Variants in MAX observed in about 807,000 individuals in gnomAD.
MAX encodes MYC associated transcriptional regulator X, also known as protein max.
MAX carries 3 observed loss-of-function variants against 22.3 expected under a neutral mutation model. The observed-to-expected ratio is 0.13, with a 90% confidence interval of 0.06 to 0.35. MAX has a LOEUF of 0.35. Ranked by LOEUF, MAX falls within the 10% of genes least tolerant of loss-of-function variation. The pLI, the probability that MAX is intolerant of heterozygous loss-of-function variation, is 1.00. For synonymous variants in MAX, 72 were observed against 77.7 expected (o/e 0.93, Z 0.39); for missense variants, 119 against 209.4 (o/e 0.57, Z 2.66).
chr14:65,021,928 G>GA, intron 3 of MAX: 1 of 456,068 alleles, frequency 2.2e-6, no homozygotes, highest in Non-Finnish European at 4.4e-6. Flanking sequence ...TTATAGGCGT[G>GA]AGCCACTGCG....
intron 3 of MAX, among the ~76,000 whole-genome samples, chr14:65,025,529 C>T (rs1443798991): frequency 1.3e-5 from 2 of 152,164 alleles, no homozygotes; most frequent in African/African-American, 4.8e-5. Context: ...AAAAATGTGT[C>T]ACATGCTGGG....
At position 65,044,235 on chromosome 14, in the gene MAX, G is replaced by T; in HGVS notation, c.172-37951C>A. On this transcript the variant is annotated intron_variant, in intron 3 of 3. Coordinates refer to the MAX transcript ENST00000341653. The surrounding 1 kb of genome is among the most constrained non-coding windows in gnomAD (Gnocchi z 5.5). The stretch of plus-strand genomic sequence containing the variant: ...TGGGAAACCCTCCATCCCACAGATT[G>T]ACTCCTGGAGATTCTGTCGGGCTGG... 6.2e-7 allele frequency: 1 copy of T among 1,600,464 alleles called. No homozygotes were observed. The highest frequency in any genetic ancestry group is 1.1e-5 in the South Asian group (1 of 88,962).
chr14:65,096,431 G>C (rs1276214793), intron 2 of MAX, among the ~76,000 whole-genome samples: 1 of 152,152 alleles, frequency 6.6e-6, no homozygotes, highest in Non-Finnish European at 1.5e-5. Context: ...TGTTTTGAAA[G>C]AGCACATGAA....
chr14:65,080,306 A>C (rs2063169534), intron 3 of MAX, among the ~76,000 whole-genome samples: 1 of 152,216 alleles, frequency 6.6e-6, no homozygotes, highest in African/African-American at 2.4e-5. Flanking sequence ...ATGCAGAAGG[A>C]ATGAGAGTTC....
intron 3 of MAX, among the ~76,000 whole-genome samples, chr14:65,092,249 T>G (rs865883950): frequency 1.3e-5 from 2 of 152,120 alleles, no homozygotes; most frequent in East Asian, 3.8e-4. Flanking sequence ...AAAGGCTGAT[T>G]CAGTAGTGAA....
intron 2 of MAX, among the ~76,000 whole-genome samples, chr14:65,099,376 C>G (rs1472886958): frequency 6.6e-6 from 1 of 152,026 alleles, no homozygotes; most frequent in Non-Finnish European, 1.5e-5. Context: ...GGCACCTTAA[C>G]AGCAAACTAA....
chr14:65,025,785 C>T (rs1463736914), intron 3 of MAX, among the ~76,000 whole-genome samples: 1 of 152,200 alleles, frequency 6.6e-6, no homozygotes, highest in African/African-American at 2.4e-5. Context: ...CGCTGTCCTG[C>T]AGCCTGGCCG....
chr14:65,052,866 G>A (rs1024888807), intron 3 of MAX, among the ~76,000 whole-genome samples: 1 of 152,174 alleles, frequency 6.6e-6, no homozygotes, highest in South Asian at 2.1e-4. Flanking sequence ...AATGTCTCTT[G>A]AAGTCCAGGG....
Position 65,029,035 on chromosome 14 carries a change from T to C in MAX, c.172-22751A>G, listed in dbSNP as rs1467678800. Among the ~76,000 whole-genome samples the C allele has an allele frequency of 1.3e-5, 2 of 152,244 alleles. No individual in the cohort carries two copies. Among genetic ancestry groups the C allele is most frequent in the East Asian group, 3.8e-4 (2 of 5,204 alleles). ...GCACTTTTTTTTTCCCTATGCTCTT[T>C]ATTTATATGTTCTAGATAAATGCTA... On this transcript the variant is annotated intron_variant, in intron 3 of 3. Transcript: ENST00000341653. This position sits in a 1 kb window ranked among gnomAD's most constrained non-coding sequence, Gnocchi z 4.7.
intron 3 of MAX, among the ~76,000 whole-genome samples, chr14:65,026,627 C>T (rs1312584937): frequency 2.0e-5 from 3 of 152,110 alleles, no homozygotes; most frequent in Non-Finnish European, 4.4e-5. Context: ...GCAGAGGCTG[C>T]GGCGGGTGGA....
At chr14:65,092,545 A>C (rs141929046) in intron 3 of MAX, among the ~76,000 whole-genome samples, 61 of 152,322 alleles carry the variant, frequency 4.0e-4, no homozygotes, top group African/African-American at 1.5e-3. Context: ...ATTCCAGGTA[A>C]GTACCTTGGT....
chr14:65,053,199 G>GA lies in MAX; in HGVS notation c.171+40508dup, dbSNP rs775746592. ...GAATTAGGTCATTGATACTTGGCTG[G>GA]ATCTGCCGGGCCCTTACTGACCCTT... On this transcript the variant is annotated intron_variant, in intron 3 of 3. Coordinates refer to the MAX transcript ENST00000341653. 50 of 1,325,506 alleles carry GA rather than the reference G, an allele frequency of 3.8e-5. No individual in the cohort carries two copies. In the East Asian group the frequency reaches 1.4e-3, roughly 38 times the overall value. The allele number at this position is 1,325,506 out of a possible 1,614,324, so 82.1% of individuals were successfully genotyped here. A position where few individuals can be genotyped will look rare whatever the true frequency, so the allele number is the denominator to read the frequency against.
chr14:65,086,098 G>A (rs2063329495), intron 3 of MAX, among the ~76,000 whole-genome samples: 2 of 152,172 alleles, frequency 1.3e-5, no homozygotes, highest in Non-Finnish European at 2.9e-5. Flanking sequence ...CTCTTCGCCT[G>A]CTGCCATCCA....
chr14:65,034,406 T>G (rs1257101510), intron 3 of MAX, among the ~76,000 whole-genome samples: 1 of 152,258 alleles, frequency 6.6e-6, no homozygotes, highest in Non-Finnish European at 1.5e-5. Flanking sequence ...TTTTAATATC[T>G]TGCATGTATC....
rs528692142 is a variant in MAX at position 65,062,659 on chromosome 14, C to T, written c.171+31049G>A. 1 of 152,716 alleles carries T rather than the reference C, an allele frequency of 6.5e-6. No homozygotes were observed. The highest frequency in any genetic ancestry group is 2.4e-5 in the African/African-American group (1 of 41,548). The allele number at this position is 152,716 out of a possible 1,614,324, so 9.5% of individuals were successfully genotyped here. On this transcript the variant is annotated intron_variant, in intron 3 of 3. Transcript: ENST00000341653. The surrounding 1 kb of genome is among the most constrained non-coding windows in gnomAD (Gnocchi z 4.3). ...AAAAGAATAACATTTTCTATGATGT[C>T]TCTTATTTGTGATCTGTACCAAGAA...
Position 65,027,439 on chromosome 14 carries a change from G to A in MAX, c.172-21155C>T. ...CTCTCTGACTTTGTTTTTGCCCTTT[G>A]GCTGTGTACCTAGTGTGTGTCAGTT... On this transcript the variant is annotated intron_variant, in intron 3 of 3. Coordinates refer to the MAX transcript ENST00000341653. This position sits in a 1 kb window ranked among gnomAD's most constrained non-coding sequence, Gnocchi z 5.7. The A allele has an allele frequency of 6.2e-7, 1 of 1,612,666 alleles. No homozygotes were observed. The highest frequency in any genetic ancestry group is 8.5e-7 in the Non-Finnish European group (1 of 1,179,554).
In MAX at chr14:65,054,726, A is replaced by G; in HGVS notation, c.171+38982T>C. 2 of 1,570,334 alleles carry G rather than the reference A, an allele frequency of 1.3e-6. No homozygotes were observed. Among genetic ancestry groups the G allele is most frequent in the Non-Finnish European group, 1.7e-6 (2 of 1,155,566 alleles). On this transcript the variant is annotated intron_variant, in intron 3 of 3. Transcript: ENST00000341653. This position sits in a 1 kb window ranked among gnomAD's most constrained non-coding sequence, Gnocchi z 4.4. ...GCAGGGCTTCACACCCCTTCTCCAC[A>G]GGGACCTCGCGGACAGAAGGCTTTC...
At chr14:65,102,153 C>G in intron 1 of MAX, 151 bp downstream of exon 1, 1 of 1,432,260 alleles carries the variant, frequency 7.0e-7, no homozygotes, top group South Asian at 1.3e-5. Context: ...GGGGAGCGAA[C>G]CGGGAACGCG....
Position 65,044,703 on chromosome 14 carries a change from G to T in MAX, c.172-38419C>A, listed in dbSNP as rs72728267. On this transcript the variant is annotated intron_variant, in intron 3 of 3. Transcript: ENST00000341653. The surrounding 1 kb of genome is among the most constrained non-coding windows in gnomAD (Gnocchi z 5.5). ...CCTTGAAATTGCTACGGGGAGCGGG[G>T]AGGAAGTGGGCGCTGCTTCTGCGTT... 9,049 of 510,828 alleles carry T rather than the reference G, an allele frequency of 0.018. 112 individuals carry two copies. Among genetic ancestry groups the T allele is most frequent in the South Asian group, 0.023 (809 of 35,776 alleles). 31.6% of individuals were successfully genotyped at this position (510,828 alleles called of 1,614,324 possible).
Sources: allele counts gnomAD v4.1 joint callset (sites outside exome capture counted in the v4.1 genomes callset), GRCh38; gene constraint gnomAD v4.1.1; non-coding constraint Gnocchi (gnomAD v3.1); transcripts MANE v1.5; gene names NCBI Gene and HGNC (gene_info 2026-07-23, HGNC 2026-07-21).